The following ADH1C variants were observed in gnomAD, a reference collection of about 807,000 sequenced individuals.
ADH1C encodes the protein alcohol dehydrogenase 1C (class I), gamma polypeptide, also known as alcohol dehydrogenase 1C.
ADH1C carries 26 observed loss-of-function variants against 35.0 expected under a neutral mutation model. The ratio of observed to expected loss-of-function variants is 0.74; its 90% CI spans 0.54 to 1.03. The LOEUF is 1.03. ADH1C is among the 50% of genes least tolerant of loss of function. The pLI, the probability that ADH1C is intolerant of heterozygous loss-of-function variation, is 0.00. For synonymous variants in ADH1C, 170 were observed against 169.3 expected (o/e 1.00, Z -0.03); for missense variants, 413 against 465.4 (o/e 0.89, Z 1.04).
chr4:99,343,183 A>G, intron 5 of ADH1C, 128 bp from the exon 6 acceptor site: 1 of 1,373,802 alleles, frequency 7.3e-7, no homozygotes, highest in African/African-American at 1.5e-5. Flanking sequence ...CTGTTATCGA[A>G]ACCTGTTTTG....
chr4:99,349,805 CTG>C (rs70956001), intron 1 of ADH1C, among the ~76,000 whole-genome samples: 98 of 84,222 alleles, frequency 1.2e-3, no homozygotes, highest in East Asian at 2.3e-3. Context: ...ATGTGTGTTT[CTG>C]TGTGTGTGTG....
At chr4:99,342,644 A>C (rs1734441377) in intron 6 of ADH1C, 151 bp downstream of exon 6, 1 of 1,324,930 alleles carries the variant, frequency 7.5e-7, no homozygotes, top group Middle Eastern at 1.9e-4. Context: ...TCTCATAACA[A>C]TAAATTAAAC....
intron 1 of ADH1C, among the ~76,000 whole-genome samples, chr4:99,352,086 A>C (rs1203099113): frequency 6.6e-6 from 1 of 152,180 alleles, no homozygotes; most frequent in Admixed American, 6.5e-5. Context: ...TTTGAATGTG[A>C]TGTCTTGCTT....
At chr4:99,339,784 C>A (rs1734371453) in intron 7 of ADH1C, 69 bp from the exon 8 acceptor site, 7 of 1,475,242 alleles carry the variant, frequency 4.7e-6, no homozygotes, top group Admixed American at 2.2e-5. Flanking sequence ...GAAGATTTTC[C>A]AAATAAATGA....
Position 99,342,147 on chromosome 4 carries a change from A to T in ADH1C, c.828+648T>A, listed in dbSNP as rs1734431235. On this transcript the variant is annotated intron_variant, in intron 6 of 8. Transcript: ENST00000515683. ...GCATTGTCTCATGCGTTTCATAAAC[A>T]ATGCCATGAGATATGTAGCTCTTAA... 2.0e-5 allele frequency among the ~76,000 whole-genome samples: 3 copies of T among 152,244 alleles called. No individual in the cohort carries two copies. In the South Asian group the frequency reaches 6.2e-4, roughly 31 times the overall value.
chr4:99,337,697 G>A (rs1734309861), intron 8 of ADH1C, among the ~76,000 whole-genome samples: 2 of 151,868 alleles, frequency 1.3e-5, no homozygotes, highest in Admixed American at 6.6e-5. Context: ...GTAATCTTAC[G>A]ACCTCGGAGT....
At chr4:99,344,337 ACTGAGT>A (rs1276389419) in intron 5 of ADH1C, among the ~76,000 whole-genome samples, 2 of 152,184 alleles carry the variant, frequency 1.3e-5, no homozygotes, top group African/African-American at 2.4e-5. Context: ...ATTATGCATC[ACTGAGT>A]CTTTATTACT....
intron 1 of ADH1C, among the ~76,000 whole-genome samples, chr4:99,349,102 C>A (rs1156362885): frequency 1.4e-5 from 2 of 141,074 alleles, no homozygotes; most frequent in Non-Finnish European, 3.1e-5. Context: ...ATGGTAGTTT[C>A]TTTTGCTGTG....
chr4:99,337,267 G>T (rs758893447), intron 8 of ADH1C, among the ~76,000 whole-genome samples: 1 of 151,554 alleles, frequency 6.6e-6, no homozygotes, highest in Non-Finnish European at 1.5e-5. Context: ...TGCTCTGGTC[G>T]CACATCTAGT....
chr4:99,337,915 T>C (rs1188796807), intron 8 of ADH1C, among the ~76,000 whole-genome samples: 1 of 152,080 alleles, frequency 6.6e-6, no homozygotes, highest in Non-Finnish European at 1.5e-5. Context: ...ATATTCTTAA[T>C]GTTGGACTTT....
intron 8 of ADH1C, among the ~76,000 whole-genome samples, chr4:99,337,197 G>A (rs1734298383): frequency 6.6e-6 from 1 of 151,508 alleles, no homozygotes; most frequent in African/African-American, 2.4e-5. Flanking sequence ...TAGGAAGTTG[G>A]TTTCCATATT....
chr4:99,339,636 T>G lies in ADH1C; in HGVS notation c.1044A>C (p.Thr348=). 6.2e-7 allele frequency: 1 copy of G among 1,611,528 alleles called. No individual in the cohort carries two copies. Among genetic ancestry groups the G allele is most frequent in the Non-Finnish European group, 8.5e-7 (1 of 1,178,690 alleles). The change falls in exon 8 of 9, where the codon ACA becomes ACC. Residue 348 remains threonine (T), a synonymous_variant. Coordinates refer to ENST00000515683, the MANE Select transcript of ADH1C (RefSeq NM_000669.5). ...TTATTTTTTCAAAAGGTAAAATATTTGTTATTAATGCATCCAGTGAAAACT... is the reference window on the plus strand; with the variant it reads ...TTATTTTTTCAAAAGGTAAAATATTGGTTATTAATGCATCCAGTGAAAACT... ...AKKFSLDALI[T]NILPFEKINE... is the part of the protein sequence containing the mutation.
At chr4:99,337,693 T>C (rs532361862) in intron 8 of ADH1C, among the ~76,000 whole-genome samples, 9 of 152,224 alleles carry the variant, frequency 5.9e-5, no homozygotes, top group Admixed American at 3.3e-4. Flanking sequence ...ATCTGTAATC[T>C]TACGACCTCG....
intron 6 of ADH1C, among the ~76,000 whole-genome samples, chr4:99,342,294 CA>C (rs1464471217): frequency 6.6e-6 from 1 of 152,108 alleles, no homozygotes; most frequent in Non-Finnish European, 1.5e-5. Context: ...TGTATTAAAG[CA>C]GTCACTTTCC....
intron 8 of ADH1C, among the ~76,000 whole-genome samples, chr4:99,338,446 C>T (rs3098809): frequency 0.62 from 23,446 of 37,528 alleles, 7,201 homozygotes; most frequent in South Asian, 0.73. Context: ...TATATATATA[C>T]ACACTCTTGA....
intron 1 of ADH1C, among the ~76,000 whole-genome samples, chr4:99,348,087 C>T (rs1378436414): frequency 1.3e-5 from 2 of 149,904 alleles, no homozygotes; most frequent in Non-Finnish European, 3.0e-5. Context: ...GGAATATATT[C>T]ATTTAGGTTA....
At chr4:99,343,097 G>A in intron 5 of ADH1C, 42 bp from the exon 6 acceptor site, 1 of 1,599,688 alleles carries the variant, frequency 6.3e-7, no homozygotes, top group Non-Finnish European at 8.5e-7. Flanking sequence ...AATAATGTTT[G>A]TTAGAAATTG....
At position 99,342,754 on chromosome 4, in the gene ADH1C, G is replaced by T. The variant is rs766015798; in HGVS notation, c.828+41C>A. On this transcript the variant is annotated intron_variant, in intron 6 of 8. Coordinates refer to ENST00000515683, the MANE Select transcript of ADH1C (RefSeq NM_000669.5). ...TCTACTGCCTAAATGCATCCTCCAG[G>T]TTGCAGAGGCAGAAATTTCAGGGCA... The T allele has an allele frequency of 1.7e-5, 27 of 1,613,026 alleles. No homozygotes were observed. In the Admixed American group the frequency reaches 2.3e-4, roughly 14 times the overall value.
At chr4:99,339,435 G>T in intron 8 of ADH1C, 142 bp downstream of exon 8, 2 of 738,554 alleles carry the variant, frequency 2.7e-6, no homozygotes, top group Non-Finnish European at 4.2e-6. Flanking sequence ...TCCATGCAAA[G>T]ATTGAACTGG....
Sources: gnomAD v4.1 joint callset for allele counts (sites outside exome capture counted in the v4.1 genomes callset) on GRCh38, gnomAD v4.1.1 for gene constraint, MANE v1.5 for transcripts, NCBI Gene and HGNC (gene_info 2026-07-23, HGNC 2026-07-21) for gene names.